Variants in ZNF385C observed in about 807,000 individuals in gnomAD.
ZNF385C encodes zinc finger protein 385C.
A neutral mutation model predicts 35.4 loss-of-function variants in ZNF385C; 28 were observed. The ratio of observed to expected loss-of-function variants is 0.79; its 90% CI spans 0.59 to 1.08. The LOEUF is 1.08. Among genes scored for constraint, ZNF385C ranks in the 50% least tolerant of loss-of-function variants. The pLI is 0.00. For synonymous variants in ZNF385C, 248 were observed against 248.2 expected (o/e 1.00, Z 0.01); for missense variants, 605 against 595.6 (o/e 1.02, Z -0.16).
At position 42,057,939 on chromosome 17, in the gene ZNF385C, T is replaced by C. The variant is rs573351202; in HGVS notation, c.250+4868A>G. 2.7e-4 allele frequency among the ~76,000 whole-genome samples: 41 copies of C among 150,546 alleles called. No individual in the cohort carries two copies. In the South Asian group the frequency reaches 8.6e-3, roughly 32 times the overall value. ...GCCTGGGCAACAGAGTGAGACTCTG[T>C]CTCAAAAAAAAGAAAAAAGAATGAA... is the stretch of plus-strand genomic sequence containing the variant. On this transcript the variant is annotated intron_variant, in intron 2 of 8. Coordinates refer to ENST00000692273, the MANE Select transcript of ZNF385C (RefSeq NM_001392013.1).
intron 6 of ZNF385C, 111 bp downstream of exon 6, chr17:42,028,672 C>A (rs148887580): frequency 7.5e-7 from 1 of 1,340,664 alleles, no homozygotes; most frequent in African/African-American, 1.5e-5. Flanking sequence ...ACAAAGCCTC[C>A]GCCATCCAAC....
chr17:42,034,944 G>A (rs2052813339), intron 3 of ZNF385C, among the ~76,000 whole-genome samples: 1 of 150,972 alleles, frequency 6.6e-6, no homozygotes, highest in Admixed American at 6.6e-5. Context: ...CTGGCCAAGA[G>A]AAACTCCTTC....
At chr17:42,049,906 T>C (rs1351648087) in intron 2 of ZNF385C, among the ~76,000 whole-genome samples, 2 of 152,254 alleles carry the variant, frequency 1.3e-5, no homozygotes, top group Admixed American at 6.5e-5. Flanking sequence ...AAGTGCTTAG[T>C]AGCCAATGTG....
At chr17:42,045,136 C>CTCGA (rs2053127572) in intron 2 of ZNF385C, among the ~76,000 whole-genome samples, 1 of 152,226 alleles carries the variant, frequency 6.6e-6, no homozygotes, top group Non-Finnish European at 1.5e-5. Context: ...CCACGATGGT[C>CTCGA]TCGATCTCCT....
intron 1 of ZNF385C, among the ~76,000 whole-genome samples, chr17:42,078,957 T>A (rs1278200175): frequency 6.6e-6 from 1 of 152,104 alleles, no homozygotes; most frequent in Admixed American, 6.6e-5. Flanking sequence ...ACATCTTAGT[T>A]TCCTGTCTGT....
rs1326460320 is a variant in ZNF385C, at chr17:42,034,209, C to T, written c.510+16G>A. The T allele has an allele frequency of 1.3e-6, 2 of 1,547,374 alleles. No homozygotes were observed. Among genetic ancestry groups the T allele is most frequent in the Non-Finnish European group, 1.7e-6 (2 of 1,144,118 alleles). ...CCAGCCCCCTCCCCAGACCTGCTTT[C>T]ACTACTTTGTCTCACCGCTGAGTTG... On this transcript the variant is annotated intron_variant, in intron 4 of 8. Coordinates refer to ENST00000692273, the MANE Select transcript of ZNF385C (RefSeq NM_001392013.1).
intron 1 of ZNF385C, among the ~76,000 whole-genome samples, chr17:42,082,830 C>A (rs1386798011): frequency 6.6e-6 from 1 of 152,188 alleles, no homozygotes; most frequent in Non-Finnish European, 1.5e-5. Flanking sequence ...GTAATCCCAG[C>A]ACTTTGGGAG....
rs533262524 is a variant in ZNF385C at position 42,050,092 on chromosome 17, T to G, written c.251-12207A>C. ...CCATGGGTCCAGTTGTGACCAAGGCTGACCAGGAGGGCACACTTGCTGCAG... is the reference window on the plus strand; with the variant it reads ...CCATGGGTCCAGTTGTGACCAAGGCGGACCAGGAGGGCACACTTGCTGCAG... On this transcript the variant is annotated intron_variant, in intron 2 of 8. Transcript: ENST00000692273. The surrounding 1 kb of genome is among the most constrained non-coding windows in gnomAD (Gnocchi z 5.6). 6.6e-6 allele frequency among the ~76,000 whole-genome samples: 1 copy of G among 152,336 alleles called. No homozygotes were observed. The highest frequency in any genetic ancestry group is 2.4e-5 in the African/African-American group (1 of 41,572).
At chr17:42,068,053 G>C (rs910362201) in intron 1 of ZNF385C, among the ~76,000 whole-genome samples, 7 of 152,100 alleles carry the variant, frequency 4.6e-5, no homozygotes, top group Non-Finnish European at 1.0e-4. Context: ...CCCCAGCCAG[G>C]CTGCTGGGCC....
chr17:42,073,243 C>T (rs1457072088), intron 1 of ZNF385C, among the ~76,000 whole-genome samples: 25 of 151,910 alleles, frequency 1.6e-4, no homozygotes, highest in Admixed American at 1.6e-3. Flanking sequence ...TCGAGACCAG[C>T]GTGGCCAACA....
At chr17:42,032,582 A>G (rs1195077555) in intron 4 of ZNF385C, among the ~76,000 whole-genome samples, 1 of 152,292 alleles carries the variant, frequency 6.6e-6, no homozygotes, top group East Asian at 1.9e-4. Flanking sequence ...GGGTGTATGT[A>G]CCCCAGAACA....
chr17:42,027,169 C>T (rs1555654297), intron 8 of ZNF385C, 36 bp from the exon 9 acceptor site: 2 of 1,578,356 alleles, frequency 1.3e-6, no homozygotes, highest in Admixed American at 1.7e-5. Context: ...ACAGTCTCCA[C>T]CCCAGAAAAC....
At chr17:42,084,482 A>G (rs1228790864) in intron 1 of ZNF385C, among the ~76,000 whole-genome samples, 1 of 152,224 alleles carries the variant, frequency 6.6e-6, no homozygotes, top group Non-Finnish European at 1.5e-5. Context: ...CTAAATAGAC[A>G]TATAAAAGAC....
chr17:42,067,218 G>A (rs1555658503), intron 1 of ZNF385C, among the ~76,000 whole-genome samples: 1 of 152,160 alleles, frequency 6.6e-6, no homozygotes, highest in Non-Finnish European at 1.5e-5. Context: ...TCACAGTTAT[G>A]AGCCACTGCG....
At chr17:42,080,293 G>A (rs933519728) in intron 1 of ZNF385C, among the ~76,000 whole-genome samples, 3 of 152,148 alleles carry the variant, frequency 2.0e-5, no homozygotes, top group Non-Finnish European at 4.4e-5. Flanking sequence ...TTAAAGAGCT[G>A]CATTCAGAAG....
chr17:42,057,503 C>G (rs142661433), intron 2 of ZNF385C, among the ~76,000 whole-genome samples: 1 of 141,772 alleles, frequency 7.1e-6, no homozygotes, highest in Admixed American at 6.7e-5. Context: ...GGTGTGCGCG[C>G]GCGCGCGCGC....
At chr17:42,067,278 G>A (rs1024736623) in intron 1 of ZNF385C, among the ~76,000 whole-genome samples, 8 of 152,146 alleles carry the variant, frequency 5.3e-5, no homozygotes, top group Non-Finnish European at 1.2e-4. Flanking sequence ...ATCCAGAACT[G>A]AGACAATAAA....
intron 2 of ZNF385C, among the ~76,000 whole-genome samples, chr17:42,046,204 T>C (rs1555656610): frequency 1.3e-5 from 2 of 152,140 alleles, no homozygotes; most frequent in Non-Finnish European, 2.9e-5. Context: ...ACTGAGTTCC[T>C]AGAAGCCAAG....
chr17:42,083,208 GT>G lies in ZNF385C; in HGVS notation c.-3+15201del, dbSNP rs1169797704. Among the ~76,000 whole-genome samples the G allele has an allele frequency of 7.7e-3, 1,114 of 144,712 alleles. 11 individuals are homozygous for G. Among genetic ancestry groups the G allele is most frequent in the African/African-American group, 0.025 (988 of 39,766 alleles). The allele number at this position is 144,712 out of a possible 152,430, so 94.9% of individuals were successfully genotyped here. A position where few individuals can be genotyped will look rare whatever the true frequency, so the allele number is the denominator to read the frequency against. On this transcript the variant is annotated intron_variant, in intron 1 of 8. Transcript: ENST00000692273. ...CTGACTCGTGACAAAATGTTTTTTT[GT>G]TTTTTTTTTTTGAGATGGAGTCTCT... is the stretch of plus-strand genomic sequence containing the variant.
Sources: allele counts gnomAD v4.1 joint callset (sites outside exome capture counted in the v4.1 genomes callset), GRCh38; gene constraint gnomAD v4.1.1; non-coding constraint Gnocchi (gnomAD v3.1); transcripts MANE v1.5; gene names NCBI Gene and HGNC (gene_info 2026-07-23, HGNC 2026-07-21).